Variants in TANK observed in about 807,000 individuals in gnomAD.
TANK encodes the protein TRAF family member associated NFKB activator.
Under a neutral mutation model 43.6 loss-of-function variants are expected in TANK, and 15 were observed. The ratio of observed to expected loss-of-function variants is 0.34; its 90% CI spans 0.23 to 0.53. TANK has a LOEUF of 0.53. Among genes scored for constraint, TANK ranks in the 20% least tolerant of loss-of-function variants. TANK has a pLI of 0.94. For synonymous variants in TANK, 162 were observed against 178.2 expected (o/e 0.91, Z 0.73); for missense variants, 417 against 498.6 (o/e 0.84, Z 1.56).
chr2:161,153,960 T>C (rs529879230), intron 1 of TANK, among the ~76,000 whole-genome samples: 3 of 152,202 alleles, frequency 2.0e-5, no homozygotes, highest in Non-Finnish European at 4.4e-5. Context: ...ATGCTTTAGC[T>C]TCTCTCAGCT....
chr2:161,167,231 C>T (rs1684723353), intron 1 of TANK, among the ~76,000 whole-genome samples: 1 of 152,178 alleles, frequency 6.6e-6, no homozygotes, highest in Non-Finnish European at 1.5e-5. Context: ...ACCTTTAAGC[C>T]TTTGATTCTC....
intron 1 of TANK, among the ~76,000 whole-genome samples, chr2:161,167,930 A>G (rs1684765031): frequency 6.6e-6 from 1 of 152,110 alleles, no homozygotes; most frequent in Admixed American, 6.6e-5. Flanking sequence ...GGCCGCAACC[A>G]GGTTTTTAAA....
At chr2:161,201,278 C>T in intron 2 of TANK, 1 of 928,248 alleles carries the variant, frequency 1.1e-6, no homozygotes, top group Non-Finnish European at 1.3e-6. Context: ...CTATTGAATA[C>T]ATTTTCAGGA....
intron 2 of TANK, chr2:161,201,345 C>T (rs936342872): frequency 1.2e-6 from 1 of 847,382 alleles, no homozygotes; most frequent in Non-Finnish European, 1.4e-6. Flanking sequence ...TTTTTTAAGC[C>T]AGAGAATAGA....
intron 2 of TANK, chr2:161,202,740 C>T (rs185241576): frequency 1.8e-4 from 52 of 284,776 alleles, no homozygotes; most frequent in Admixed American, 8.2e-4. Context: ...TTTGGTGATA[C>T]GCTTTTAAGA....
At chr2:161,181,554 T>C (rs1024804617) in intron 2 of TANK, among the ~76,000 whole-genome samples, 10 of 152,088 alleles carry the variant, frequency 6.6e-5, no homozygotes, top group African/African-American at 2.4e-4. Flanking sequence ...CTTACAATCA[T>C]GGCAGAAGGC....
At chr2:161,145,524 G>C (rs983857310) in intron 1 of TANK, among the ~76,000 whole-genome samples, 3 of 151,848 alleles carry the variant, frequency 2.0e-5, no homozygotes, top group Non-Finnish European at 4.4e-5. Flanking sequence ...TTGCAAGACA[G>C]GCCAGGTAGT....
chr2:161,190,122 C>G (rs1574009797), intron 2 of TANK, among the ~76,000 whole-genome samples: 1 of 152,238 alleles, frequency 6.6e-6, no homozygotes, highest in South Asian at 2.1e-4. Context: ...AGAACTACAG[C>G]TCAACAACAA....
At chr2:161,203,370 C>T (rs1448541946) in intron 2 of TANK, 117 bp from the exon 3 acceptor site, 9 of 645,704 alleles carry the variant, frequency 1.4e-5, no homozygotes, top group Admixed American at 1.3e-4. Context: ...TCATAAATCA[C>T]AATACCTGCA....
intron 4 of TANK, chr2:161,211,997 A>G (rs1686911872): frequency 1.1e-6 from 1 of 935,118 alleles, no homozygotes; most frequent in Non-Finnish European, 1.3e-6. Context: ...AGAAAGGAAA[A>G]TAACTATCTT....
At chr2:161,142,238 T>C (rs1683770068) in intron 1 of TANK, among the ~76,000 whole-genome samples, 1 of 152,166 alleles carries the variant, frequency 6.6e-6, no homozygotes, top group South Asian at 2.1e-4. Flanking sequence ...CTTTTTCAGA[T>C]GGGTAGATTG....
chr2:161,208,293 C>A, intron 4 of TANK: 2 of 836,588 alleles, frequency 2.4e-6, no homozygotes, highest in Non-Finnish European at 2.9e-6. Context: ...ATTTATAGTT[C>A]AGTCTCTATT....
chr2:161,186,683 A>G (rs1393784161), intron 2 of TANK, among the ~76,000 whole-genome samples: 1 of 152,214 alleles, frequency 6.6e-6, no homozygotes, highest in Non-Finnish European at 1.5e-5. Flanking sequence ...AATTAGACAA[A>G]TGGGATTACA....
chr2:161,233,960 T>A (rs1688050706), intron 7 of TANK, among the ~76,000 whole-genome samples: 2 of 152,206 alleles, frequency 1.3e-5, no homozygotes, highest in Admixed American at 1.3e-4. Flanking sequence ...TTCCAGAGAG[T>A]TATTTTACCC....
intron 1 of TANK, among the ~76,000 whole-genome samples, chr2:161,164,039 A>G (rs1684561881): frequency 6.6e-6 from 1 of 152,202 alleles, no homozygotes; most frequent in Non-Finnish European, 1.5e-5. Flanking sequence ...AGCGTTACTA[A>G]CAGTAGGATG....
chr2:161,219,560 T>G (rs1687252873), intron 4 of TANK, among the ~76,000 whole-genome samples: 1 of 152,230 alleles, frequency 6.6e-6, no homozygotes, highest in Non-Finnish European at 1.5e-5. Flanking sequence ...TCTTTTAGAT[T>G]AAATACAATA....
chr2:161,205,767 A>G (rs1348778945), intron 4 of TANK, among the ~76,000 whole-genome samples: 2 of 152,108 alleles, frequency 1.3e-5, no homozygotes, highest in Non-Finnish European at 2.9e-5. Flanking sequence ...GGAATACTTT[A>G]TGTAGTTTGT....
chr2:161,196,483 G>T (rs1686154912), intron 2 of TANK, among the ~76,000 whole-genome samples: 1 of 152,062 alleles, frequency 6.6e-6, no homozygotes. Flanking sequence ...TAGGGGCTTG[G>T]GCTTTGTATT....
At chr2:161,215,362 A>G (rs780364889) in intron 4 of TANK, among the ~76,000 whole-genome samples, 3 of 152,200 alleles carry the variant, frequency 2.0e-5, no homozygotes, top group Non-Finnish European at 4.4e-5. Flanking sequence ...ATGCTTCCTC[A>G]TCAGTTCTTT....
Sources: allele counts gnomAD v4.1 joint callset (sites outside exome capture counted in the v4.1 genomes callset), GRCh38; gene constraint gnomAD v4.1.1; transcripts MANE v1.5; gene names NCBI Gene and HGNC (gene_info 2026-07-23, HGNC 2026-07-21).